The following FHIT variants were observed in gnomAD, a reference collection of about 807,000 sequenced individuals.
The protein encoded by FHIT is fragile histidine triad diadenosine triphosphatase.
FHIT carries 19 observed loss-of-function variants against 17.9 expected under a neutral mutation model. The ratio of observed to expected loss-of-function variants is 1.06; its 90% CI spans 0.74 to 1.56. The LOEUF (loss-of-function observed/expected upper bound fraction) is 1.56. FHIT is among the 40% of genes most tolerant of loss of function. FHIT has a pLI of 0.00. For synonymous variants in FHIT, 81 were observed against 69.7 expected (o/e 1.16, Z -0.81); for missense variants, 248 against 189.2 (o/e 1.31, Z -1.82).
At chr3:61,114,928 C>A (rs2036257014) in intron 2 of FHIT, among the ~76,000 whole-genome samples, 1 of 152,158 alleles carries the variant, frequency 6.6e-6, no homozygotes, top group Non-Finnish European at 1.5e-5. Context: ...ACTCAATACC[C>A]AACATCATTT....
chr3:60,237,809 G>T (rs1446085327), intron 5 of FHIT, among the ~76,000 whole-genome samples: 1 of 152,070 alleles, frequency 6.6e-6, no homozygotes, highest in Non-Finnish European at 1.5e-5. Context: ...GAATTTTTCT[G>T]GGAGAAGCAG....
intron 5 of FHIT, among the ~76,000 whole-genome samples, chr3:60,474,796 T>C (rs1032109581): frequency 6.6e-6 from 1 of 152,080 alleles, no homozygotes; most frequent in Non-Finnish European, 1.5e-5. Flanking sequence ...GCTACTTTTG[T>C]ATTTTTAGTA....
At chr3:60,926,408 G>A (rs748032939) in intron 3 of FHIT, among the ~76,000 whole-genome samples, 57 of 152,180 alleles carry the variant, frequency 3.7e-4, no homozygotes, top group Non-Finnish European at 2.8e-4. Flanking sequence ...AAACTCACTC[G>A]AAACCACACA....
At chr3:61,250,580 G>A (rs2040597779) in intron 1 of FHIT, among the ~76,000 whole-genome samples, 1 of 152,118 alleles carries the variant, frequency 6.6e-6, no homozygotes, top group African/African-American at 2.4e-5. Flanking sequence ...GTAACACAGC[G>A]AGGGCAGAAT....
intron 5 of FHIT, among the ~76,000 whole-genome samples, chr3:60,321,107 C>A (rs1339523912): frequency 6.6e-6 from 1 of 152,148 alleles, no homozygotes; most frequent in African/African-American, 2.4e-5. Flanking sequence ...AGGGACTCCC[C>A]AACTCTAAGC....
chr3:60,231,528 C>G (rs1036779916), intron 5 of FHIT, among the ~76,000 whole-genome samples: 9 of 152,152 alleles, frequency 5.9e-5, no homozygotes, highest in South Asian at 2.1e-4. Context: ...ATATGTGGCA[C>G]TCTTTTGTGT....
Position 60,452,750 on chromosome 3 carries a change from T to C in FHIT, c.103+84110A>G, listed in dbSNP as rs549318109. 3.3e-5 allele frequency among the ~76,000 whole-genome samples: 5 copies of C among 152,194 alleles called. No individual in the cohort carries two copies. In the East Asian group the frequency reaches 9.6e-4, roughly 29 times the overall value. ...AACCTCTAGCTGGTCCCTGAAGAGT[T>C]AGCACATATTTTTAATTAAAATGGT... On this transcript the variant is annotated intron_variant, in intron 5 of 9. Transcript: ENST00000492590.
At chr3:60,755,180 C>T (rs1170446347) in intron 4 of FHIT, among the ~76,000 whole-genome samples, 1 of 152,188 alleles carries the variant, frequency 6.6e-6, no homozygotes, top group Admixed American at 6.5e-5. Flanking sequence ...CTGGAATCTA[C>T]CAGGACTCTC....
chr3:60,596,932 GA>G (rs1335711117), intron 4 of FHIT, among the ~76,000 whole-genome samples: 1 of 151,736 alleles, frequency 6.6e-6, no homozygotes, highest in Non-Finnish European at 1.5e-5. Flanking sequence ...ATATTTTAGT[GA>G]AAAAAAATGT....
At chr3:60,910,146 T>C (rs1706657788) in intron 3 of FHIT, among the ~76,000 whole-genome samples, 1 of 152,142 alleles carries the variant, frequency 6.6e-6, no homozygotes, top group Non-Finnish European at 1.5e-5. Context: ...CCGCCAGAGA[T>C]AGGAATGTGA....
intron 4 of FHIT, among the ~76,000 whole-genome samples, chr3:60,736,667 C>G: frequency 6.6e-6 from 1 of 152,232 alleles, no homozygotes; most frequent in East Asian, 1.9e-4. Flanking sequence ...CTGTTAATGG[C>G]TAGGGGTTTC....
At chr3:60,423,157 A>G (rs1160275635) in intron 5 of FHIT, among the ~76,000 whole-genome samples, 1 of 152,144 alleles carries the variant, frequency 6.6e-6, no homozygotes, top group Non-Finnish European at 1.5e-5. Context: ...TGAATTAAGC[A>G]CTATAGATGG....
At chr3:60,420,756 T>C (rs996905875) in intron 5 of FHIT, among the ~76,000 whole-genome samples, 40 of 152,190 alleles carry the variant, frequency 2.6e-4, no homozygotes, top group Admixed American at 1.2e-3. Context: ...GGTTTAAGTA[T>C]TGGTTTGTCA....
intron 8 of FHIT, among the ~76,000 whole-genome samples, chr3:59,857,635 G>A (rs777520597): frequency 6.6e-6 from 1 of 150,616 alleles, no homozygotes; most frequent in East Asian, 2.0e-4. Context: ...TCCTATGAGC[G>A]TGGAAAACAC....
chr3:60,377,220 T>TTA (rs1700600150), intron 5 of FHIT, among the ~76,000 whole-genome samples: 1 of 146,946 alleles, frequency 6.8e-6, no homozygotes, highest in African/African-American at 2.5e-5. Flanking sequence ...TTTTTTTTTT[T>TTA]AATGGAGTTT....
chr3:59,830,901 C>T (rs561277216), intron 8 of FHIT, among the ~76,000 whole-genome samples: 6 of 152,272 alleles, frequency 3.9e-5, no homozygotes, highest in African/African-American at 9.6e-5. Context: ...GACTGCTCTT[C>T]GAACAGTATG....
intron 7 of FHIT, among the ~76,000 whole-genome samples, chr3:59,950,862 C>T (rs1487384289): frequency 6.6e-6 from 1 of 152,160 alleles, no homozygotes; most frequent in African/African-American, 2.4e-5. Context: ...ATTCTACAGC[C>T]CATAAATGAG....
intron 3 of FHIT, among the ~76,000 whole-genome samples, chr3:60,893,194 G>A (rs1278244969): frequency 6.6e-6 from 1 of 152,140 alleles, no homozygotes; most frequent in Admixed American, 6.5e-5. Flanking sequence ...ACACGGAGAA[G>A]AAACTCCAGG....
chr3:60,463,298 T>C (rs1378813898), intron 5 of FHIT, among the ~76,000 whole-genome samples: 8 of 152,196 alleles, frequency 5.3e-5, no homozygotes, highest in African/African-American at 1.9e-4. Context: ...GAAGAAATAG[T>C]TCACAAATCT....
Sources: gnomAD v4.1 joint callset for allele counts (sites outside exome capture counted in the v4.1 genomes callset) on GRCh38, gnomAD v4.1.1 for gene constraint, MANE v1.5 for transcripts, NCBI Gene and HGNC (gene_info 2026-07-23, HGNC 2026-07-21) for gene names.